Variants in NEBL observed in about 807,000 individuals in gnomAD.
NEBL encodes the protein nebulette.
Under a neutral mutation model 140.2 loss-of-function variants are expected in NEBL, and 122 were observed. The ratio of observed to expected loss-of-function variants is 0.87; its 90% CI spans 0.75 to 1.01. The LOEUF is 1.01. Ranked by LOEUF, NEBL falls within the 50% of genes least tolerant of loss-of-function variation. The probability of loss-of-function intolerance (pLI) is 0.00; values close to 1 mark genes in which losing one functional copy is unlikely to be tolerated. For synonymous variants in NEBL, 436 were observed against 398.9 expected, an observed-to-expected ratio of 1.09 and a Z score of -1.11; for missense variants, 1,365 against 1,231.3, an observed-to-expected ratio of 1.11 and a Z score of -1.62.
chr10:20,937,517 G>A (rs561318157), intron 4 of NEBL, among the ~76,000 whole-genome samples: 20 of 152,138 alleles, frequency 1.3e-4, no homozygotes, highest in South Asian at 1.0e-3. Flanking sequence ...TGTGAGTGAC[G>A]CAGAAAACAG....
chr10:20,825,766 A>G (rs1391910340), intron 18 of NEBL, among the ~76,000 whole-genome samples: 1 of 152,186 alleles, frequency 6.6e-6, no homozygotes, highest in Non-Finnish European at 1.5e-5. Flanking sequence ...CAATGGAAAA[A>G]ACAATTTATC....
intron 2 of NEBL, among the ~76,000 whole-genome samples, chr10:21,138,237 T>C (rs549653059): frequency 3.5e-4 from 54 of 152,252 alleles, no homozygotes; most frequent in African/African-American, 1.2e-3. Context: ...AATGTGTGCA[T>C]GTTCCACTGG....
upstream of NEBL, chr10:20,897,434 T>C (rs182476882): frequency 8.8e-6 from 11 of 1,248,622 alleles, no homozygotes; most frequent in Admixed American, 3.0e-4. Context: ...AAATAACATA[T>C]TCTTAAGCAA....
At chr10:20,912,284 G>A (rs949094272) in intron 4 of NEBL, among the ~76,000 whole-genome samples, 13 of 152,178 alleles carry the variant, frequency 8.5e-5, no homozygotes, top group African/African-American at 2.9e-4. Flanking sequence ...GCATTGCTAT[G>A]TTTGAAATAA....
chr10:21,252,878 C>T (rs1336548486), intron 1 of NEBL, among the ~76,000 whole-genome samples: 2 of 152,036 alleles, frequency 1.3e-5, no homozygotes, highest in African/African-American at 4.8e-5. Flanking sequence ...TCACTTGAAC[C>T]CGGGAGGTGA....
chr10:20,866,086 C>G (rs572532912), intron 7 of NEBL, among the ~76,000 whole-genome samples: 23 of 152,270 alleles, frequency 1.5e-4, no homozygotes, highest in African/African-American at 5.5e-4. Context: ...CCCTGAGAGA[C>G]TACAGTTAAC....
chr10:20,880,138 G>A (rs546764839), intron 5 of NEBL, among the ~76,000 whole-genome samples: 6 of 152,216 alleles, frequency 3.9e-5, no homozygotes, highest in African/African-American at 1.4e-4. Context: ...TGAGGCAGGT[G>A]GATCACAAAG....
At chr10:21,178,226 T>C (rs1277508934), upstream of NEBL, among the ~76,000 whole-genome samples, 3 of 152,194 alleles carry the variant, frequency 2.0e-5, no homozygotes, top group Non-Finnish European at 4.4e-5. Flanking sequence ...AAATTCAAGA[T>C]TCAGAAGCTA....
At chr10:20,886,418 A>G (rs902970906) in intron 4 of NEBL, among the ~76,000 whole-genome samples, 6 of 151,978 alleles carry the variant, frequency 3.9e-5, no homozygotes, top group African/African-American at 1.2e-4. Flanking sequence ...AATGCCAGCT[A>G]CTCAGGAGGC....
intron 3 of NEBL, among the ~76,000 whole-genome samples, chr10:21,231,816 T>C (rs1378854411): frequency 6.6e-6 from 1 of 151,614 alleles, no homozygotes; most frequent in Non-Finnish European, 1.5e-5. Flanking sequence ...AAAAATAAAA[T>C]TCTACGCCCT....
chr10:21,227,711 T>TTTCTTCTTCTTCTTC (rs796306558), intron 3 of NEBL, among the ~76,000 whole-genome samples: 31 of 46,464 alleles, frequency 6.7e-4, no homozygotes, highest in East Asian at 1.8e-3. Flanking sequence ...CTTCTTCTTC[T>TTTCTTCTTCTTCTTC]TTCTTCTTCT....
Position 20,840,859 on chromosome 10 carries a change from A to T in NEBL, c.1228-10T>A. 6.8e-7 allele frequency: 1 copy of T among 1,465,696 alleles called. No homozygotes were observed. The highest frequency in any genetic ancestry group is 9.5e-7 in the Non-Finnish European group (1 of 1,050,328). 90.8% of individuals were successfully genotyped at this position (1,465,696 alleles called of 1,614,324 possible). On this transcript the variant is annotated splice_polypyrimidine_tract_variant and intron_variant, in intron 12 of 27. Transcript: ENST00000377122. ...CTTTTTTATATTCTTTCTATGAGAC[A>T]AGAATATCACAGTTCAAAACTTAGC...
chr10:20,921,806 C>A (rs996213821), intron 4 of NEBL, among the ~76,000 whole-genome samples: 3 of 152,078 alleles, frequency 2.0e-5, no homozygotes, highest in Non-Finnish European at 4.4e-5. Context: ...TATGTATACA[C>A]ACATGCACAC....
upstream of NEBL, among the ~76,000 whole-genome samples, chr10:21,179,823 T>A (rs1841359669): frequency 6.6e-6 from 1 of 151,298 alleles, no homozygotes; most frequent in Non-Finnish European, 1.5e-5. Flanking sequence ...ACAAGGAATG[T>A]GGGTAGCATC....
intron 2 of NEBL, among the ~76,000 whole-genome samples, chr10:21,157,894 C>A (rs1234897288): frequency 1.3e-5 from 2 of 152,086 alleles, no homozygotes; most frequent in Non-Finnish European, 2.9e-5. Context: ...GACACAGACA[C>A]ACATGAAGGG....
chr10:20,914,161 T>C (rs1482305332), intron 4 of NEBL, among the ~76,000 whole-genome samples: 1 of 152,156 alleles, frequency 6.6e-6, no homozygotes, highest in Non-Finnish European at 1.5e-5. Context: ...TGAGAATGTG[T>C]TTTGCGCGTT....
At chr10:21,160,459 A>C (rs1564531514) in intron 2 of NEBL, among the ~76,000 whole-genome samples, 1 of 152,232 alleles carries the variant, frequency 6.6e-6, no homozygotes, top group Non-Finnish European at 1.5e-5. Context: ...GTAGCCTCTG[A>C]GGAAGAACTG....
intron 3 of NEBL, among the ~76,000 whole-genome samples, chr10:21,194,102 G>A (rs1195991995): frequency 6.6e-6 from 1 of 152,030 alleles, no homozygotes; most frequent in Non-Finnish European, 1.5e-5. Context: ...AGACTCCTGA[G>A]TAGCTGAGAC....
At chr10:21,240,017 A>C (rs1842417867) in intron 3 of NEBL, among the ~76,000 whole-genome samples, 1 of 148,722 alleles carries the variant, frequency 6.7e-6, no homozygotes, top group Admixed American at 6.7e-5. Flanking sequence ...CTCTGCCTCA[A>C]AAAAAAAAAA....
Sources: gnomAD v4.1 joint callset for allele counts (sites outside exome capture counted in the v4.1 genomes callset) on GRCh38, gnomAD v4.1.1 for gene constraint, MANE v1.5 for transcripts, NCBI Gene and HGNC (gene_info 2026-07-23, HGNC 2026-07-21) for gene names.